The following STAP1 variants were observed in gnomAD, a reference collection of about 807,000 sequenced individuals.
STAP1 encodes the protein signal transducing adaptor family member 1.
STAP1 carries 30 observed loss-of-function variants against 37.8 expected under a neutral mutation model. The observed-to-expected ratio is 0.79, with a 90% CI of 0.59 to 1.08. The LOEUF is 1.08. Ranked by LOEUF, STAP1 falls within the 50% of genes least tolerant of loss-of-function variation. The pLI is 0.00. For missense variants in STAP1, 357 were observed against 349.4 expected (o/e 1.02, Z -0.17); for synonymous variants, 130 against 116.0 (o/e 1.12, Z -0.78).
At chr4:67,587,452 A>T (rs1728008625) in intron 6 of STAP1, among the ~76,000 whole-genome samples, 2 of 152,222 alleles carry the variant, frequency 1.3e-5, no homozygotes, top group South Asian at 2.1e-4. Context: ...CTCAATGTAG[A>T]CTATCATCCA....
At chr4:67,601,653 T>C (rs113095676) in intron 8 of STAP1, among the ~76,000 whole-genome samples, 111 of 152,356 alleles carry the variant, frequency 7.3e-4, no homozygotes, top group African/African-American at 2.6e-3. Context: ...TTTTGCCGTC[T>C]GCACATTAAA....
Position 67,575,492 on chromosome 4 carries a change from A to C in STAP1, c.300A>C (p.Gln100His). 6 of 1,607,462 alleles carry C rather than the reference A, an allele frequency of 3.7e-6. No homozygotes were observed. Among genetic ancestry groups the C allele is most frequent in the Non-Finnish European group, 4.3e-6 (5 of 1,176,412 alleles). Residue 100 changes from glutamine (Q) to histidine (H), a missense_variant, in exon 3 of 9, where the codon CAA (glutamine) becomes CAC (histidine). Coordinates refer to ENST00000265404, the MANE Select transcript of STAP1 (RefSeq NM_012108.4). ...TTGTTTTGCCGAAAGAGGAAGTACA[A>C]CTGAAGGTGAGCGAGGAGAAACAGT... is the stretch of plus-strand genomic sequence containing the variant. ...FTLVLPKEEV[Q>H]LKTENTESGE...
Position 67,607,075 on chromosome 4 carries a change from G to A in STAP1, c.*718G>A, listed in dbSNP as rs1728466281. 1 of 152,048 alleles carries A rather than the reference G, an allele frequency of 6.6e-6. No individual in the cohort carries two copies. 9.4% of individuals were successfully genotyped at this position (152,048 alleles called of 1,614,324 possible). On this transcript the variant is annotated 3_prime_UTR_variant, in exon 9 of 9. Transcript: ENST00000265404. ...CTGCATCTACTGAATCAAAATAACAGGGATATTTTTTCATAATTTTTTTCT... is the reference window on the plus strand; with the variant it reads ...CTGCATCTACTGAATCAAAATAACAAGGATATTTTTTCATAATTTTTTTCT...
chr4:67,582,973 G>T (rs1301363009), intron 5 of STAP1, among the ~76,000 whole-genome samples: 1 of 152,178 alleles, frequency 6.6e-6, no homozygotes, highest in East Asian at 1.9e-4. Flanking sequence ...TGCATTTTCA[G>T]CTTACGATAT....
chr4:67,568,242 C>T (rs979796120), intron 1 of STAP1, among the ~76,000 whole-genome samples: 47 of 152,004 alleles, frequency 3.1e-4, no homozygotes, highest in African/African-American at 1.1e-3. Flanking sequence ...CACAAAATAC[C>T]ATAAGACAAA....
intron 1 of STAP1, among the ~76,000 whole-genome samples, chr4:67,566,124 T>C (rs1727463967): frequency 6.6e-6 from 1 of 151,880 alleles, no homozygotes; most frequent in Admixed American, 6.6e-5. Flanking sequence ...ATTTTCATAT[T>C]TTTAGTAGAT....
At chr4:67,597,859 C>T (rs562074775) in intron 8 of STAP1, among the ~76,000 whole-genome samples, 4 of 152,292 alleles carry the variant, frequency 2.6e-5, no homozygotes, top group African/African-American at 9.6e-5. Flanking sequence ...TTTACAGGCT[C>T]ACAGGCAGAA....
Position 67,591,793 on chromosome 4 carries a change from C to A in STAP1, c.729+840C>A, listed in dbSNP as rs73829174. Among the ~76,000 whole-genome samples, 572 of 152,302 alleles carry A rather than the reference C, an allele frequency of 3.8e-3. 4 individuals carry two copies. Among genetic ancestry groups the A allele is most frequent in the African/African-American group, 0.013 (551 of 41,568 alleles). ...TAATTCTTAGAGAGCAAGGTAGCTG[C>A]TGATTCATAGAGCACACTTACATCT... is the stretch of plus-strand genomic sequence containing the variant. On this transcript the variant is annotated intron_variant, in intron 7 of 8. Transcript: ENST00000265404.
intron 8 of STAP1, among the ~76,000 whole-genome samples, chr4:67,602,898 TC>T (rs1382434543): frequency 3.9e-5 from 6 of 152,164 alleles, no homozygotes; most frequent in African/African-American, 1.4e-4. Context: ...CCGCTGATGT[TC>T]ACTCAAGGCT....
Position 67,587,898 on chromosome 4 carries a change from A to G in STAP1, c.660-2986A>G, listed in dbSNP as rs184355451. Among the ~76,000 whole-genome samples, 37 of 151,320 alleles carry G rather than the reference A, an allele frequency of 2.4e-4. 1 individual carries two copies. Among genetic ancestry groups the G allele is most frequent in the African/African-American group, 8.5e-4 (35 of 41,288 alleles). Reference sequence around the variant, plus strand: ...ACCACGCCTGGCTAATTTTTTTTGTAGTTTTAGTACAGACGGGGTTTCTCC... The same window carrying G: ...ACCACGCCTGGCTAATTTTTTTTGTGGTTTTAGTACAGACGGGGTTTCTCC... On this transcript the variant is annotated intron_variant, in intron 6 of 8. Transcript: ENST00000265404.
At chr4:67,560,296 A>G (rs1011025372) in intron 1 of STAP1, among the ~76,000 whole-genome samples, 7 of 152,264 alleles carry the variant, frequency 4.6e-5, no homozygotes, top group Non-Finnish European at 8.8e-5. Flanking sequence ...TCTCCTTGAG[A>G]CTGTTTCAAC....
chr4:67,565,934 CTTTTTTTTTTTTTT>C (rs60607477), intron 1 of STAP1, among the ~76,000 whole-genome samples: 6 of 59,430 alleles, frequency 1.0e-4, no homozygotes, highest in Admixed American at 5.1e-4. Context: ...AACCCAACTG[CTTTTTTTTTTTTTT>C]TTTTTTTTTT....
intron 2 of STAP1, among the ~76,000 whole-genome samples, chr4:67,571,730 G>A (rs1374302857): frequency 1.3e-5 from 2 of 152,038 alleles, no homozygotes; most frequent in African/African-American, 4.8e-5. Flanking sequence ...TATTTTAGTG[G>A]CAAATGCTTA....
intron 6 of STAP1, among the ~76,000 whole-genome samples, chr4:67,588,066 G>A (rs1465623368): frequency 7.6e-3 from 457 of 60,236 alleles, no homozygotes; most frequent in Non-Finnish European, 9.5e-3. Flanking sequence ...AAAAAAAAAA[G>A]ACTTGCTTCT....
chr4:67,560,992 G>A (rs76320048), intron 1 of STAP1, among the ~76,000 whole-genome samples: 1,575 of 152,266 alleles, frequency 0.01, 18 homozygotes, highest in East Asian at 0.051. Flanking sequence ...GAGAGCAAGA[G>A]GATGACAATA....
intron 4 of STAP1, among the ~76,000 whole-genome samples, chr4:67,578,659 A>G (rs373810955): frequency 6.6e-6 from 1 of 152,286 alleles, no homozygotes; most frequent in East Asian, 1.9e-4. Context: ...GGAGTACACT[A>G]AAAACTCTGG....
chr4:67,561,637 C>T (rs1174555154), intron 1 of STAP1, among the ~76,000 whole-genome samples: 1 of 152,132 alleles, frequency 6.6e-6, no homozygotes, highest in East Asian at 1.9e-4. Context: ...TTTATTTAAG[C>T]CACAGCACTA....
chr4:67,600,259 C>T (rs1323960093), intron 8 of STAP1, among the ~76,000 whole-genome samples: 3 of 152,092 alleles, frequency 2.0e-5, no homozygotes, highest in Non-Finnish European at 4.4e-5. Flanking sequence ...TTCATTGACC[C>T]ACTGGTCATT....
At chr4:67,565,964 T>C (rs1006229471) in intron 1 of STAP1, among the ~76,000 whole-genome samples, 2 of 104,862 alleles carry the variant, frequency 1.9e-5, no homozygotes, top group Non-Finnish European at 4.1e-5. Context: ...TTTTTTTTTT[T>C]ACGAGACAGA....
Sources: allele counts gnomAD v4.1 joint callset (sites outside exome capture counted in the v4.1 genomes callset), GRCh38; gene constraint gnomAD v4.1.1; transcripts MANE v1.5; gene names NCBI Gene and HGNC (gene_info 2026-07-23, HGNC 2026-07-21).